The following TSC22D1 variants were observed in gnomAD, a reference collection of about 807,000 sequenced individuals.
The protein encoded by TSC22D1 is TSC22 domain family member 1.
In TSC22D1, 9 loss-of-function variants were observed where a neutral mutation model predicts 74.2. The ratio of observed to expected loss-of-function variants is 0.12; its 90% confidence interval spans 0.07 to 0.21. The LOEUF is 0.21. TSC22D1 is among the 10% of genes least tolerant of loss of function. The pLI is 1.00. For missense variants in TSC22D1, 1,427 were observed against 1,304.7 expected (o/e 1.09, Z -1.44); for synonymous variants, 586 against 492.5 (o/e 1.19, Z -2.51).
intron 1 of TSC22D1, among the ~76,000 whole-genome samples, chr13:44,453,029 G>T (rs1364306940): frequency 6.6e-6 from 1 of 152,152 alleles, no homozygotes; most frequent in Non-Finnish European, 1.5e-5. Flanking sequence ...ATTGAAAAAA[G>T]ATTTTGCAGT....
intron 1 of TSC22D1, among the ~76,000 whole-genome samples, chr13:44,487,265 A>G (rs916699875): frequency 1.1e-4 from 16 of 151,950 alleles, no homozygotes; most frequent in African/African-American, 3.9e-4. Context: ...TTGGGAGGCC[A>G]AGGCAGGTGG....
intron 1 of TSC22D1, among the ~76,000 whole-genome samples, chr13:44,451,982 G>T (rs1211405017): frequency 1.3e-5 from 2 of 152,168 alleles, no homozygotes; most frequent in African/African-American, 4.8e-5. Flanking sequence ...CCCACATCAG[G>T]GACTTGTTCA....
At chr13:44,503,766 A>T (rs1323828987) in intron 1 of TSC22D1, among the ~76,000 whole-genome samples, 1 of 152,250 alleles carries the variant, frequency 6.6e-6, no homozygotes, top group Non-Finnish European at 1.5e-5. Context: ...ATATTTCATC[A>T]TGACTACTTG....
chr13:44,572,328 G>C (rs1192705625), intron 1 of TSC22D1, among the ~76,000 whole-genome samples: 4 of 152,150 alleles, frequency 2.6e-5, no homozygotes, highest in Admixed American at 6.5e-5. Flanking sequence ...GTTTAATAAT[G>C]TACTTTAGGC....
intron 1 of TSC22D1, among the ~76,000 whole-genome samples, chr13:44,522,239 G>GTGGC (rs1378896897): frequency 7.9e-5 from 12 of 152,160 alleles, no homozygotes; most frequent in Non-Finnish European, 1.8e-4. Flanking sequence ...TGAGCCAAAG[G>GTGGC]TGGCTGGAGA....
At chr13:44,569,717 CA>C (rs1161272477) in intron 1 of TSC22D1, among the ~76,000 whole-genome samples, 1 of 151,842 alleles carries the variant, frequency 6.6e-6, no homozygotes, top group Non-Finnish European at 1.5e-5. Context: ...ATGAGAGATA[CA>C]AAAAAGCAAG....
At chr13:44,441,428 C>T (rs1875194790) in intron 1 of TSC22D1, among the ~76,000 whole-genome samples, 1 of 152,124 alleles carries the variant, frequency 6.6e-6, no homozygotes, top group African/African-American at 2.4e-5. Context: ...ATATACATGA[C>T]CCATATTATT....
intron 1 of TSC22D1, among the ~76,000 whole-genome samples, chr13:44,485,988 A>C (rs1878412762): frequency 6.6e-6 from 1 of 152,064 alleles, no homozygotes; most frequent in Non-Finnish European, 1.5e-5. Context: ...AAAAGTATAA[A>C]CTAAAGGAAC....
chr13:44,511,068 T>A (rs1014060563), intron 1 of TSC22D1, among the ~76,000 whole-genome samples: 1 of 152,146 alleles, frequency 6.6e-6, no homozygotes, highest in South Asian at 2.1e-4. Context: ...GGAGGATCAC[T>A]TAAGCCCAGG....
chr13:44,526,033 T>G (rs993777855), intron 1 of TSC22D1, among the ~76,000 whole-genome samples: 1 of 152,020 alleles, frequency 6.6e-6, no homozygotes, highest in African/African-American at 2.4e-5. Flanking sequence ...GACCGGGAAG[T>G]GGAGGTTGCA....
At chr13:44,503,801 T>C (rs563096147) in intron 1 of TSC22D1, among the ~76,000 whole-genome samples, 4 of 152,178 alleles carry the variant, frequency 2.6e-5, no homozygotes, top group Non-Finnish European at 5.9e-5. Flanking sequence ...TTTACTTGAA[T>C]ACCGATCAAT....
chr13:44,446,778 GGAAGAA>G (rs1566115826), intron 1 of TSC22D1, among the ~76,000 whole-genome samples: 58 of 64,116 alleles, frequency 9.0e-4, no homozygotes, highest in African/African-American at 3.3e-3. Flanking sequence ...AGGAAGAAGA[GGAAGAA>G]GAGGAGGAGG....
At chr13:44,506,048 G>A (rs576355798) in intron 1 of TSC22D1, among the ~76,000 whole-genome samples, 11 of 152,274 alleles carry the variant, frequency 7.2e-5, no homozygotes, top group South Asian at 4.1e-4. Flanking sequence ...ACTGGGATGC[G>A]AATGCAGGCA....
intron 1 of TSC22D1, among the ~76,000 whole-genome samples, chr13:44,560,837 T>A (rs1241300623): frequency 6.6e-6 from 1 of 152,200 alleles, no homozygotes; most frequent in Non-Finnish European, 1.5e-5. Flanking sequence ...ATATTCAATA[T>A]CCTATCACAG....
intron 1 of TSC22D1, chr13:44,437,423 GA>G (rs552925314): frequency 2.4e-4 from 57 of 240,692 alleles, no homozygotes; most frequent in African/African-American, 1.1e-3. Context: ...AATTTTAGAG[GA>G]AAAAAAATCA....
intron 1 of TSC22D1, chr13:44,474,318 G>A (rs902884409): frequency 2.0e-6 from 2 of 981,268 alleles, no homozygotes; most frequent in Non-Finnish European, 2.4e-6. Flanking sequence ...CACTCCTGGT[G>A]GACAAACAAG....
rs1345313472 is a variant in TSC22D1, at chr13:44,432,710, G to C, written c.*1916C>G. The C allele has an allele frequency of 6.7e-6, 1 of 148,726 alleles. No homozygotes were observed. Among genetic ancestry groups the C allele is most frequent in the Non-Finnish European group, 1.5e-5 (1 of 67,156 alleles). The allele number at this position is 148,726 out of a possible 1,614,324, so 9.2% of individuals were successfully genotyped here. ...CAGAAAGTTTGTCCTTGTTCTGCAA[G>C]GACTTAAGACAAGCCTTAGAACTTG... On this transcript the variant is annotated 3_prime_UTR_variant, in exon 3 of 3. Transcript: ENST00000458659.
intron 1 of TSC22D1, among the ~76,000 whole-genome samples, chr13:44,548,008 C>T (rs1881944580): frequency 6.6e-6 from 1 of 152,154 alleles, no homozygotes; most frequent in African/African-American, 2.4e-5. Context: ...CAATCTTTAG[C>T]ATAACCCTAT....
chr13:44,566,213 A>T, intron 1 of TSC22D1, among the ~76,000 whole-genome samples: 1 of 152,274 alleles, frequency 6.6e-6, no homozygotes, highest in African/African-American at 2.4e-5. Flanking sequence ...ACCTCTTATT[A>T]GCTTTATAAG....
Sources: gnomAD v4.1 joint callset for allele counts (sites outside exome capture counted in the v4.1 genomes callset) on GRCh38, gnomAD v4.1.1 for gene constraint, MANE v1.5 for transcripts, NCBI Gene and HGNC (gene_info 2026-07-23, HGNC 2026-07-21) for gene names.